Variants in RBM25 observed in about 807,000 individuals in gnomAD.
RBM25 encodes the protein RNA-binding protein 25.
Under a neutral mutation model 120.7 loss-of-function variants are expected in RBM25, and 19 were observed. That is an observed-to-expected ratio of 0.16 (90% CI 0.11 to 0.23). RBM25 has a LOEUF of 0.23. Among genes scored for constraint, RBM25 ranks in the 10% least tolerant of loss-of-function variants. The probability of loss-of-function intolerance (pLI) is 1.00; values close to 1 mark genes in which losing one functional copy is unlikely to be tolerated. For synonymous variants in RBM25, 390 were observed against 326.7 expected (o/e 1.19, Z -2.09); for missense variants, 605 against 1,041.5 (o/e 0.58, Z 5.77).
chr14:73,083,457 A>T, intron 4 of RBM25, 37 bp from the exon 5 acceptor site: 1 of 1,474,076 alleles, frequency 6.8e-7, no homozygotes, highest in Admixed American at 2.4e-5. Flanking sequence ...TATTTTGTTA[A>T]ATGGTAGCAA....
intron 12 of RBM25, among the ~76,000 whole-genome samples, chr14:73,106,984 C>T (rs1309180716): frequency 1.3e-5 from 2 of 151,968 alleles, no homozygotes; most frequent in East Asian, 1.9e-4. Flanking sequence ...GGATTACAGG[C>T]GTGTGCCACA....
Position 73,100,526 on chromosome 14 carries a change from G to A in RBM25, c.867+776G>A, listed in dbSNP as rs542636902. On this transcript the variant is annotated intron_variant, in intron 9 of 18. Coordinates refer to ENST00000261973, the MANE Select transcript of RBM25 (RefSeq NM_021239.3). Reference sequence around the variant, plus strand: ...AATGACAGTGCATCTGTGAATGTTCGCTGGTGTTGAAAATGATGCTTTTGA... The same window carrying A: ...AATGACAGTGCATCTGTGAATGTTCACTGGTGTTGAAAATGATGCTTTTGA... 369 of 448,040 alleles carry A rather than the reference G, an allele frequency of 8.2e-4. 1 individual carries two copies. Among genetic ancestry groups the A allele is most frequent in the South Asian group, 5.5e-4 (12 of 21,624 alleles). The allele number at this position is 448,040 out of a possible 1,614,324, so 27.8% of individuals were successfully genotyped here. A position where few individuals can be genotyped will look rare whatever the true frequency, so the allele number is the denominator to read the frequency against.
chr14:73,100,061 G>A (rs1159431287), intron 9 of RBM25: 10 of 464,918 alleles, frequency 2.2e-5, no homozygotes, highest in South Asian at 1.4e-4. Flanking sequence ...TCAGGGGGCA[G>A]CAGGATAACA....
intron 12 of RBM25, among the ~76,000 whole-genome samples, chr14:73,106,840 C>CT (rs34359815): frequency 0.031 from 4,497 of 142,966 alleles, 82 homozygotes; most frequent in African/African-American, 0.047. Flanking sequence ...TATGTATATA[C>CT]TTTTTTTTTT....
chr14:73,094,319 TTAA>T (rs1315420665), intron 6 of RBM25, among the ~76,000 whole-genome samples: 2 of 151,974 alleles, frequency 1.3e-5, no homozygotes, highest in African/African-American at 4.8e-5. Context: ...GATTTTTGGG[TTAA>T]TAAACTTTTC....
rs956210795 is a variant in RBM25, at chr14:73,122,808, C to T, written c.*3003C>T. 2 of 152,202 alleles carry T rather than the reference C, an allele frequency of 1.3e-5. No individual in the cohort carries two copies. Among genetic ancestry groups the T allele is most frequent in the Non-Finnish European group, 2.9e-5 (2 of 68,032 alleles). 9.4% of individuals were successfully genotyped at this position (152,202 alleles called of 1,614,324 possible). A position where few individuals can be genotyped will look rare whatever the true frequency, so the allele number is the denominator to read the frequency against. On this transcript the variant is annotated 3_prime_UTR_variant, in exon 19 of 19. Coordinates refer to ENST00000261973, the MANE Select transcript of RBM25 (RefSeq NM_021239.3). Reference sequence around the variant, plus strand: ...GGGTGGCGCCGCAGGCTTTGCATTTCTGGACAGCTCCCAGCTAATGTCATT... The same window carrying T: ...GGGTGGCGCCGCAGGCTTTGCATTTTTGGACAGCTCCCAGCTAATGTCATT...
At chr14:73,081,527 C>G (rs1159549123) in intron 4 of RBM25, among the ~76,000 whole-genome samples, 1 of 152,056 alleles carries the variant, frequency 6.6e-6, no homozygotes, top group Non-Finnish European at 1.5e-5. Flanking sequence ...TCTAGTATTC[C>G]CCTTATTGCT....
At chr14:73,119,085 A>G (rs750930769) in intron 18 of RBM25, among the ~76,000 whole-genome samples, 3 of 152,040 alleles carry the variant, frequency 2.0e-5, no homozygotes, top group African/African-American at 4.8e-5. Context: ...CTATTTATTA[A>G]TAATACATTT....
chr14:73,080,804 T>C (rs1327637827), intron 4 of RBM25, among the ~76,000 whole-genome samples: 1 of 151,290 alleles, frequency 6.6e-6, no homozygotes, highest in Non-Finnish European at 1.5e-5. Context: ...TTTCTTTCTT[T>C]GGTTTGTTTT....
intron 5 of RBM25, among the ~76,000 whole-genome samples, chr14:73,086,450 AC>A (rs919014608): frequency 6.6e-6 from 1 of 151,358 alleles, no homozygotes; most frequent in African/African-American, 2.4e-5. Context: ...AAAAAAAAAA[AC>A]AAAACAGTGG....
intron 14 of RBM25, 25 bp from the exon 15 acceptor site, chr14:73,110,806 A>G: frequency 6.3e-7 from 1 of 1,582,604 alleles, no homozygotes; most frequent in Non-Finnish European, 8.5e-7. Context: ...AGTTGTAGTT[A>G]ATCAGATTAT....
intron 9 of RBM25, chr14:73,101,576 C>G (rs3025765): frequency 2.0e-5 from 3 of 151,280 alleles, no homozygotes; most frequent in Non-Finnish European, 4.4e-5. Flanking sequence ...GGACTAGATT[C>G]ACTCACTTTT....
intron 6 of RBM25, among the ~76,000 whole-genome samples, chr14:73,095,254 CG>C (rs1895916393): frequency 1.3e-5 from 2 of 152,094 alleles, no homozygotes; most frequent in Non-Finnish European, 2.9e-5. Context: ...GAGAAGAGAG[CG>C]TTTTTCAATT....
chr14:73,103,946 TCTCACACACACA>T (rs1566597481), intron 10 of RBM25, among the ~76,000 whole-genome samples: 4 of 43,944 alleles, frequency 9.1e-5, no homozygotes, highest in East Asian at 5.4e-4. Flanking sequence ...TCTCTCTCTC[TCTCACACACACA>T]CACACACACA....
chr14:73,102,110 A>C (rs1278471558), intron 9 of RBM25: 1 of 152,260 alleles, frequency 6.6e-6, no homozygotes, highest in Non-Finnish European at 1.5e-5. Context: ...GTTGTTTTAA[A>C]TGCATTACAT....
chr14:73,073,410 G>A (rs1453703770), intron 2 of RBM25, among the ~76,000 whole-genome samples: 4 of 152,140 alleles, frequency 2.6e-5, no homozygotes, highest in South Asian at 2.1e-4. Context: ...AAATCAGGCC[G>A]GGCACAGTGG....
chr14:73,107,864 C>A lies in RBM25; in HGVS notation c.1506C>A (p.Asp502Glu). 6.2e-7 allele frequency: 1 copy of A among 1,603,032 alleles called. No homozygotes were observed. Among genetic ancestry groups the A allele is most frequent in the Non-Finnish European group, 8.5e-7 (1 of 1,173,180 alleles). ...AACGACTAAAAGAATTCTTAGAAGA[C>A]TATGATGATGATAGAGATGACCCCA... ...EAKRLKEFLEDYDDDRDDPKY... is the reference protein window; with the variant it reads ...EAKRLKEFLEEYDDDRDDPKY... Residue 502 changes from aspartate to glutamate, a missense_variant, in exon 13 of 19, where the codon GAC becomes GAA. Coordinates refer to ENST00000261973, the MANE Select transcript of RBM25 (RefSeq NM_021239.3).
intron 6 of RBM25, among the ~76,000 whole-genome samples, chr14:73,091,094 T>A (rs1471864888): frequency 2.0e-5 from 3 of 152,264 alleles, no homozygotes; most frequent in African/African-American, 7.2e-5. Flanking sequence ...ATCTTCAGTT[T>A]GTGAGGTCAT....
intron 4 of RBM25, among the ~76,000 whole-genome samples, chr14:73,077,797 A>G (rs1895458174): frequency 1.3e-5 from 2 of 152,188 alleles, no homozygotes; most frequent in Admixed American, 6.6e-5. Context: ...ATAACATTTC[A>G]CCTGTGAATC....
Sources: gnomAD v4.1 joint callset for allele counts (sites outside exome capture counted in the v4.1 genomes callset) on GRCh38, gnomAD v4.1.1 for gene constraint, MANE v1.5 for transcripts, NCBI Gene and HGNC (gene_info 2026-07-23, HGNC 2026-07-21) for gene names.